Variants in TASOR2 observed in about 807,000 individuals in gnomAD.
The protein encoded by TASOR2 is protein TASOR 2.
TASOR2 carries 84 observed loss-of-function variants against 199.5 expected under a neutral mutation model. The observed-to-expected ratio is 0.42, with a 90% CI of 0.35 to 0.50. The LOEUF (loss-of-function observed/expected upper bound fraction) is 0.50. Ranked by LOEUF, TASOR2 falls within the 20% of genes least tolerant of loss-of-function variation. The pLI is 0.02. For missense variants in TASOR2, 2,796 were observed against 2,835.9 expected (o/e 0.99, Z 0.32); for synonymous variants, 1,103 against 1,046.6 (o/e 1.05, Z -1.04).
In TASOR2 at chr10:5,701,824, T is replaced by C. The variant is rs528735572; in HGVS notation, c.-287-10999T>C. 1.3e-5 allele frequency among the ~76,000 whole-genome samples: 2 copies of C among 152,362 alleles called. No individual in the cohort carries two copies. Among genetic ancestry groups the C allele is most frequent in the South Asian group, 4.1e-4 (2 of 4,826 alleles). On this transcript the variant is annotated intron_variant, in intron 1 of 20. Transcript: ENST00000328090. The surrounding 1 kb of genome is among the most constrained non-coding windows in gnomAD (Gnocchi z 4.9). ...ATGTTGATTTTGTATCCTGCAACTT[T>C]ACTGAATTTGTTTATCAGTTCTAAC...
chr10:5,732,910 G>A (rs1034911909), intron 11 of TASOR2, among the ~76,000 whole-genome samples: 1 of 152,144 alleles, frequency 6.6e-6, no homozygotes, highest in Non-Finnish European at 1.5e-5. Flanking sequence ...GTGGAGATGT[G>A]CGTACTTAGG....
chr10:5,686,011 G>A (rs1835770533), intron 1 of TASOR2, among the ~76,000 whole-genome samples: 1 of 152,182 alleles, frequency 6.6e-6, no homozygotes, highest in African/African-American at 2.4e-5. Flanking sequence ...GGGTGAGCCT[G>A]GCGGTAATCC....
chr10:5,721,662 A>C (rs1334894525), intron 6 of TASOR2, among the ~76,000 whole-genome samples: 2 of 152,206 alleles, frequency 1.3e-5, no homozygotes, highest in Admixed American at 1.3e-4. Context: ...GCAACTAATA[A>C]ATGTGGAAAG....
intron 20 of TASOR2, 66 bp from the exon 22 acceptor site, chr10:5,762,963 C>T (rs1480456575): frequency 2.1e-5 from 32 of 1,492,954 alleles, no homozygotes; most frequent in South Asian, 3.6e-5. Context: ...TAGAGCATCC[C>T]GCTTATAAAA....
At chr10:5,711,633 A>AGTC (rs1831923760) in intron 1 of TASOR2, among the ~76,000 whole-genome samples, 1 of 152,168 alleles carries the variant, frequency 6.6e-6, no homozygotes, top group African/African-American at 2.4e-5. Context: ...AGGCACAAAG[A>AGTC]GTCAGTCAAC....
chr10:5,726,662 C>G (rs1018298264), intron 8 of TASOR2, among the ~76,000 whole-genome samples: 1 of 152,164 alleles, frequency 6.6e-6, no homozygotes, highest in African/African-American at 2.4e-5. Flanking sequence ...CTAAAACTAA[C>G]CTTTCATGTT....
At position 5,752,018 on chromosome 10, in the gene TASOR2, C is replaced by G. The variant is rs1838110158; in HGVS notation, c.6606+1991C>G. ...CCCTCCCCCATCCTCCTCCCAACCC[C>G]AGGTATAATGAGACCCCTCACTGAG... is the stretch of plus-strand genomic sequence containing the variant. On this transcript the variant is annotated intron_variant, in intron 15 of 20. Coordinates refer to ENST00000328090, the Ensembl canonical transcript of TASOR2. The surrounding 1 kb of genome is among the most constrained non-coding windows in gnomAD (Gnocchi z 4.4). Among the ~76,000 whole-genome samples, 1 of 152,044 alleles carries G rather than the reference C, an allele frequency of 6.6e-6. No homozygotes were observed. Among genetic ancestry groups the G allele is most frequent in the Admixed American group, 6.5e-5 (1 of 15,272 alleles).
intron 2 of TASOR2, 133 bp downstream of exon 3, chr10:5,714,340 GA>G (rs1243576620): frequency 2.1e-6 from 1 of 470,378 alleles, no homozygotes; most frequent in African/African-American, 2.0e-5. Context: ...ATAATGTTTA[GA>G]TTTCTAACTT....
rs755679074 is a variant in TASOR2, at chr10:5,684,969, C to G, written c.-494C>G. 7.5e-6 allele frequency: 3 copies of G among 397,750 alleles called. No individual in the cohort carries two copies. The Admixed American group carries it at 1.3e-4, about 18-fold the overall frequency. 24.6% of individuals were successfully genotyped at this position (397,750 alleles called of 1,614,324 possible). A position where few individuals can be genotyped will look rare whatever the true frequency, so the allele number is the denominator to read the frequency against. The stretch of plus-strand genomic sequence containing the variant: ...CGGGCGGCCGCGGCGTCCCTGTCAG[C>G]GCCCGCGGCGAGGACCCCGGGGCTG... On this transcript the variant is annotated 5_prime_UTR_variant, in exon 1 of 21. Transcript: ENST00000328090.
intron 17 of TASOR2, among the ~76,000 whole-genome samples, chr10:5,758,456 T>G (rs1016425675): frequency 1.3e-5 from 2 of 152,088 alleles, no homozygotes; most frequent in Non-Finnish European, 2.9e-5. Context: ...GAGGATTACT[T>G]GAGCCCAGGA....
intron 15 of TASOR2, among the ~76,000 whole-genome samples, chr10:5,753,892 A>T (rs1481515881): frequency 1.3e-5 from 2 of 152,200 alleles, no homozygotes; most frequent in African/African-American, 2.4e-5. Flanking sequence ...TTGATTAATT[A>T]TACATCCTCT....
rs77544328 is a variant in TASOR2, at chr10:5,685,896, T to G, written c.-288+721T>G. ...AAGGTACAATTAGAATAGAAAAGTT[T>G]ATGAAAGTGTATCCAAAACTTAAAT... On this transcript the variant is annotated intron_variant, in intron 1 of 20. Transcript: ENST00000328090. The surrounding 1 kb of genome is among the most constrained non-coding windows in gnomAD (Gnocchi z 5.4). 0.014 allele frequency among the ~76,000 whole-genome samples: 2,132 copies of G among 152,346 alleles called. 54 individuals carry two copies. Among genetic ancestry groups the G allele is most frequent in the African/African-American group, 0.049 (2,038 of 41,564 alleles).
exon 15 of TASOR2, chr10:5,749,379 A>G: frequency 6.2e-7 from 1 of 1,614,254 alleles, no homozygotes. Context: ...CACATAAACT[A>G]AAACAGACCA....
At chr10:5,756,877 T>C in intron 16 of TASOR2, 139 bp downstream of exon 17, 1 of 804,898 alleles carries the variant, frequency 1.2e-6, no homozygotes, top group Non-Finnish European at 1.9e-6. Context: ...GAAGATGGTG[T>C]ATTATAGAAT....
intron 1 of TASOR2, among the ~76,000 whole-genome samples, chr10:5,702,006 T>C (rs1274906475): frequency 6.6e-6 from 1 of 152,204 alleles, no homozygotes; most frequent in Non-Finnish European, 1.5e-5. Flanking sequence ...TGAATAAAAG[T>C]GGTGAAAGTA....
Position 5,749,156 on chromosome 10 carries a change from AC to A in TASOR2, c.5736del (p.Tyr1912Ter). 1 of 1,585,268 alleles carries A rather than the reference AC, an allele frequency of 6.3e-7. No individual in the cohort carries two copies. Among genetic ancestry groups the A allele is most frequent in the Non-Finnish European group, 8.6e-7 (1 of 1,165,510 alleles). The stretch of plus-strand genomic sequence containing the variant: ...AAAGAAGAGAAGTGTGTGCCGCCTT[AC>A]GTCCAAATCCGAGATCTCCACGGGA... On this transcript the variant is annotated frameshift_variant, in exon 15 of 21. Coordinates refer to ENST00000328090, the Ensembl canonical transcript of TASOR2. LOFTEE classifies it high-confidence loss of function.
chr10:5,700,742 T>C (rs1837722324), intron 1 of TASOR2, among the ~76,000 whole-genome samples: 1 of 152,058 alleles, frequency 6.6e-6, no homozygotes, highest in South Asian at 2.1e-4. Flanking sequence ...TTGAAAAATG[T>C]TTATTCAGAT....
At chr10:5,735,433 C>T (rs764185825) in exon 12 of TASOR2, 6 of 1,613,970 alleles carry the variant, frequency 3.7e-6, no homozygotes. Flanking sequence ...GAGAAATCTC[C>T]AGTCAAAACT....
chr10:5,733,258 A>G (rs1470288698), intron 11 of TASOR2, among the ~76,000 whole-genome samples: 1 of 152,148 alleles, frequency 6.6e-6, no homozygotes, highest in Non-Finnish European at 1.5e-5. Flanking sequence ...CTATAATCCT[A>G]ACACTTTGGG....
Sources: gnomAD v4.1 joint callset for allele counts (sites outside exome capture counted in the v4.1 genomes callset) on GRCh38, gnomAD v4.1.1 for gene constraint, Gnocchi (gnomAD v3.1) non-coding constraint, MANE v1.5 for transcripts, NCBI Gene and HGNC (gene_info 2026-07-23, HGNC 2026-07-21) for gene names.